Variants in MCCC1 observed in about 807,000 individuals in gnomAD.
MCCC1 encodes the protein methylcrotonoyl-CoA carboxylase subunit alpha, mitochondrial.
MCCC1 carries 64 observed loss-of-function variants against 83.8 expected under a neutral mutation model. The ratio of observed to expected loss-of-function variants is 0.76; its 90% CI spans 0.62 to 0.94. The LOEUF is 0.94. MCCC1 is among the 40% of genes least tolerant of loss of function. MCCC1 has a pLI of 0.00. For missense variants in MCCC1, 807 were observed against 904.7 expected (o/e 0.89, Z 1.39); for synonymous variants, 322 against 315.4 (o/e 1.02, Z -0.22).
chr3:183,049,282 T>C (rs1714777073), intron 9 of MCCC1, among the ~76,000 whole-genome samples: 1 of 150,506 alleles, frequency 6.6e-6, no homozygotes, highest in African/African-American at 2.4e-5. Context: ...TAGAAAAAAA[T>C]CACCAAAACC....
At chr3:183,063,052 A>T (rs1715967954) in intron 7 of MCCC1, among the ~76,000 whole-genome samples, 1 of 151,936 alleles carries the variant, frequency 6.6e-6, no homozygotes, top group East Asian at 1.9e-4. Context: ...GGTGTGACCT[A>T]GGCTCACTAC....
intron 10 of MCCC1, among the ~76,000 whole-genome samples, chr3:183,045,144 G>C (rs1274488725): frequency 6.7e-6 from 1 of 150,112 alleles, no homozygotes; most frequent in Non-Finnish European, 1.5e-5. Context: ...GCAGTGGCGC[G>C]ATCTCGGCTT....
intron 1 of MCCC1, among the ~76,000 whole-genome samples, chr3:183,111,606 T>C (rs1043698140): frequency 6.6e-6 from 1 of 152,246 alleles, no homozygotes; most frequent in Non-Finnish European, 1.5e-5. Flanking sequence ...AGCCTTCAAA[T>C]GACCTTTGAA....
At chr3:183,090,752 G>A (rs552317302) in intron 3 of MCCC1, among the ~76,000 whole-genome samples, 3 of 152,194 alleles carry the variant, frequency 2.0e-5, no homozygotes, top group South Asian at 4.2e-4. Context: ...ACCACGCCCA[G>A]CTAATTTTGT....
At chr3:183,035,362 AT>A (rs1713482770) in intron 13 of MCCC1, among the ~76,000 whole-genome samples, 1 of 152,212 alleles carries the variant, frequency 6.6e-6, no homozygotes, top group Non-Finnish European at 1.5e-5. Context: ...AACATTTTAC[AT>A]TTTAAGCTTT....
rs532239551 is a variant in MCCC1, at chr3:183,060,521, GA to G, written c.762-3100del. ...AAATCAGCTATTTTGCTATACGACTGAAATCCTTTTCATTGTTTTTTCCATG... is the reference window on the plus strand; with the variant it reads ...AAATCAGCTATTTTGCTATACGACTGAATCCTTTTCATTGTTTTTTCCATG... On this transcript the variant is annotated intron_variant, in intron 7 of 18. Transcript: ENST00000265594. 1.9e-3 allele frequency among the ~76,000 whole-genome samples: 292 copies of G among 152,286 alleles called. 1 individual carries two copies. Among genetic ancestry groups the G allele is most frequent in the African/African-American group, 6.9e-3 (285 of 41,562 alleles).
At chr3:183,073,299 G>T (rs1472637626) in intron 4 of MCCC1, among the ~76,000 whole-genome samples, 1 of 152,168 alleles carries the variant, frequency 6.6e-6, no homozygotes, top group Non-Finnish European at 1.5e-5. Context: ...CTTCAGAGTG[G>T]TAAGGGGAAT....
In MCCC1 at chr3:183,020,158, A is replaced by G; in HGVS notation, c.1949T>C (p.Leu650Ser). The stretch of plus-strand genomic sequence containing the variant: ...TTCAATGGTTCCAGTCATAGGAGCT[A>G]AGGGGCCGCCCTGAGTTTCTTGTGA... Reference protein sequence around the residue: ...VSSQETQGGPLAPMTGTIEKV... With the variant: ...VSSQETQGGPSAPMTGTIEKV... The change falls in exon 17 of 19, where the codon TTA becomes TCA. Residue 650 changes from leucine (L) to serine (S), a missense_variant. Transcript: ENST00000265594. 2 of 1,614,048 alleles carry G rather than the reference A, an allele frequency of 1.2e-6. No homozygotes were observed. The highest frequency in any genetic ancestry group is 1.7e-6 in the Non-Finnish European group (2 of 1,179,888).
chr3:183,101,082 T>C (rs890832719), upstream of MCCC1, among the ~76,000 whole-genome samples: 25 of 152,298 alleles, frequency 1.6e-4, 1 homozygote, highest in African/African-American at 5.0e-4. Context: ...CCAGCAGTGC[T>C]GGCCCACCGG....
intron 17 of MCCC1, among the ~76,000 whole-genome samples, chr3:183,019,283 A>G (rs1006866786): frequency 5.5e-4 from 83 of 152,236 alleles, no homozygotes; most frequent in Non-Finnish European, 2.1e-4. Context: ...ATTTGATGTT[A>G]TATCAGTATG....
intron 8 of MCCC1, among the ~76,000 whole-genome samples, chr3:183,053,871 T>TA: frequency 6.9e-6 from 1 of 144,732 alleles, no homozygotes; most frequent in Admixed American, 7.2e-5. Context: ...ATTAAGGCTA[T>TA]AAAGAATTTT....
Position 183,038,915 on chromosome 3 carries a change from G to C in MCCC1, c.1377+111C>G, listed in dbSNP as rs1577269886. 17 of 980,674 alleles carry C rather than the reference G, an allele frequency of 1.7e-5. No homozygotes were observed. In the Middle Eastern group the frequency reaches 1.8e-3, roughly 103 times the overall value. 60.7% of individuals were successfully genotyped at this position (980,674 alleles called of 1,614,324 possible). ...GTGAAACTATTTTGTTTGGGCAATT[G>C]ATGGAAATAGAAAATATGCTGACGA... On this transcript the variant is annotated intron_variant, in intron 12 of 18. Transcript: ENST00000265594.
At chr3:183,081,599 A>G (rs1717500364) in intron 4 of MCCC1, among the ~76,000 whole-genome samples, 1 of 152,232 alleles carries the variant, frequency 6.6e-6, no homozygotes. Flanking sequence ...TGTAAGGTAC[A>G]TAGATGTGCT....
intron 10 of MCCC1, among the ~76,000 whole-genome samples, chr3:183,041,989 C>T (rs186326415): frequency 5.9e-5 from 9 of 152,314 alleles, no homozygotes; most frequent in African/African-American, 2.2e-4. Context: ...ATGGCAAAAG[C>T]AGGCAAAGTG....
intron 12 of MCCC1, among the ~76,000 whole-genome samples, 186 bp from the exon 13 acceptor site, chr3:183,037,620 C>T (rs990888086): frequency 2.6e-5 from 4 of 152,210 alleles, no homozygotes; most frequent in African/African-American, 9.6e-5. Flanking sequence ...AACCATCTCA[C>T]TATCACTATG....
At chr3:183,071,588 T>A (rs1218231876) in intron 5 of MCCC1, among the ~76,000 whole-genome samples, 2 of 152,224 alleles carry the variant, frequency 1.3e-5, no homozygotes, top group Non-Finnish European at 2.9e-5. Context: ...ATATATTGAT[T>A]AGAAACATTA....
chr3:183,057,866 C>T (rs531290827), intron 7 of MCCC1, among the ~76,000 whole-genome samples: 1 of 152,066 alleles, frequency 6.6e-6, no homozygotes, highest in Non-Finnish European at 1.5e-5. Flanking sequence ...AGTGAGAGAC[C>T]CTGTCAAAAC....
chr3:183,071,358 C>T lies in MCCC1; in HGVS notation c.492-1G>A, dbSNP rs1312899209. On this transcript the variant is annotated splice_acceptor_variant, in intron 5 of 18. Transcript: ENST00000265594. LOFTEE classifies it high-confidence loss of function. ...AGCAGCCATTATGGATTTGGATGTG[C>T]TTTAGAGTGGGAAAGAAAACAACAT... 1 of 1,614,014 alleles carries T rather than the reference C, an allele frequency of 6.2e-7. No individual in the cohort carries two copies. The highest frequency in any genetic ancestry group is 8.5e-7 in the Non-Finnish European group (1 of 1,180,038).
intron 7 of MCCC1, among the ~76,000 whole-genome samples, chr3:183,058,822 T>C (rs4859271): frequency 0.9 from 136,242 of 152,156 alleles, 61,386 homozygotes; most frequent in East Asian, 1. Context: ...TTCACCTATT[T>C]ACCACCATAA....
Sources: gnomAD v4.1 joint callset for allele counts (sites outside exome capture counted in the v4.1 genomes callset) on GRCh38, gnomAD v4.1.1 for gene constraint, MANE v1.5 for transcripts, NCBI Gene and HGNC (gene_info 2026-07-23, HGNC 2026-07-21) for gene names.